PAH: variants seen among roughly 807,000 people sequenced by gnomAD.
PAH encodes phenylalanine-4-hydroxylase.
A neutral mutation model predicts 62.0 loss-of-function variants in PAH; 64 were observed. The observed-to-expected ratio is 1.03, with a 90% CI of 0.84 to 1.27. The LOEUF (loss-of-function observed/expected upper bound fraction) is 1.27. PAH is among the 50% of genes most tolerant of loss of function. The pLI, the probability that PAH is intolerant of heterozygous loss-of-function variation, is 0.00. For missense variants in PAH, 579 were observed against 542.8 expected (o/e 1.07, Z -0.66); for synonymous variants, 195 against 196.2 (o/e 0.99, Z 0.05).
intron 1 of PAH, chr12:102,914,682 T>C (rs1431367421): frequency 6.6e-6 from 1 of 152,246 alleles, no homozygotes; most frequent in Non-Finnish European, 1.5e-5. Context: ...CTGTCTCTAG[T>C]TCACTTGGTA....
intron 2 of PAH, among the ~76,000 whole-genome samples, chr12:102,911,164 T>C (rs772479800): frequency 7.2e-5 from 11 of 152,102 alleles, no homozygotes; most frequent in Non-Finnish European, 1.5e-4. Context: ...ACCCAGCAGT[T>C]AGAGGGCCAA....
Position 102,957,166 on chromosome 12 carries a change from C to A in PAH, c.-96+1029G>T, listed in dbSNP as rs532443423. ...AGGAGAGAGAGAAAACAGGAAAAGTCGAGCCCCACTCCCTCCTCACCTCCA... is the reference window on the plus strand; with the variant it reads ...AGGAGAGAGAGAAAACAGGAAAAGTAGAGCCCCACTCCCTCCTCACCTCCA... On this transcript the variant is annotated intron_variant, in intron 1 of 4. Transcript: ENST00000551337. The surrounding 1 kb of genome is among the most constrained non-coding windows in gnomAD (Gnocchi z 4.1). Among the ~76,000 whole-genome samples, 1 of 152,244 alleles carries A rather than the reference C, an allele frequency of 6.6e-6. No individual in the cohort carries two copies. The highest frequency in any genetic ancestry group is 2.1e-4 in the South Asian group (1 of 4,820).
intron 1 of PAH, among the ~76,000 whole-genome samples, chr12:102,947,942 A>G (rs563069356): frequency 1.3e-5 from 2 of 152,226 alleles, no homozygotes; most frequent in South Asian, 2.1e-4. Flanking sequence ...ACAGGTAGAG[A>G]GAGTAAGTTC....
intron 1 of PAH, chr12:102,915,151 C>T (rs1224736663): frequency 6.6e-6 from 1 of 152,230 alleles, no homozygotes; most frequent in Non-Finnish European, 1.5e-5. Context: ...ATTTCCCTTT[C>T]CAAGATCTCA....
chr12:102,891,346 T>C (rs1877267522), intron 3 of PAH, among the ~76,000 whole-genome samples: 1 of 152,050 alleles, frequency 6.6e-6, no homozygotes, highest in South Asian at 2.1e-4. Context: ...CAGAACCCAC[T>C]GTTTGCCTTA....
At position 102,839,000 on chromosome 12, in the gene PAH, C is replaced by T. The variant is rs1359710818; in HGVS notation, c.*175G>A. 3 of 654,696 alleles carry T rather than the reference C, an allele frequency of 4.6e-6. No individual in the cohort carries two copies. Among genetic ancestry groups the T allele is most frequent in the Non-Finnish European group, 8.2e-6 (3 of 366,472 alleles). The allele number at this position is 654,696 out of a possible 1,614,324, so 40.6% of individuals were successfully genotyped here. A position where few individuals can be genotyped will look rare whatever the true frequency, so the allele number is the denominator to read the frequency against. On this transcript the variant is annotated 3_prime_UTR_variant, in exon 13 of 13. Transcript: ENST00000553106. ...TTACCATTATGCTCTTGAGTATGTA[C>T]TCATATCCTGTCATTTCAGATTATT...
At chr12:102,893,115 T>C (rs961023188) in intron 3 of PAH, among the ~76,000 whole-genome samples, 3 of 152,160 alleles carry the variant, frequency 2.0e-5, no homozygotes, top group African/African-American at 7.2e-5. Context: ...AAAAGTCTAT[T>C]AAGGCCAGGC....
intron 4 of PAH, among the ~76,000 whole-genome samples, chr12:102,869,691 A>G (rs897795186): frequency 1.3e-5 from 2 of 152,098 alleles, no homozygotes; most frequent in Non-Finnish European, 1.5e-5. Flanking sequence ...AGGGGCCCCA[A>G]CCAACCAGGT....
intron 5 of PAH, among the ~76,000 whole-genome samples, chr12:102,861,347 A>T (rs1294163665): frequency 6.6e-6 from 1 of 152,184 alleles, no homozygotes; most frequent in Non-Finnish European, 1.5e-5. Context: ...GCTGGAGAGG[A>T]TATGGAGAAA....
chr12:102,863,542 C>T (rs895824961), intron 5 of PAH, among the ~76,000 whole-genome samples: 1 of 152,116 alleles, frequency 6.6e-6, no homozygotes, highest in South Asian at 2.1e-4. Context: ...GGACTATGTC[C>T]TAATCAGAGT....
chr12:102,955,988 G>A (rs1226824168), intron 1 of PAH, among the ~76,000 whole-genome samples: 4 of 152,098 alleles, frequency 2.6e-5, no homozygotes, highest in Non-Finnish European at 4.4e-5. Context: ...TTCGGGAGCC[G>A]CCCGTCATTA....
chr12:102,878,121 G>A (rs1276365095), intron 3 of PAH, among the ~76,000 whole-genome samples: 3 of 152,168 alleles, frequency 2.0e-5, no homozygotes, highest in East Asian at 3.9e-4. Flanking sequence ...CACTGCGTCC[G>A]GCCATTAGCA....
chr12:102,857,428 A>G (rs1410092287), intron 5 of PAH, among the ~76,000 whole-genome samples: 1 of 152,232 alleles, frequency 6.6e-6, no homozygotes, highest in African/African-American at 2.4e-5. Context: ...AACTTCCCCA[A>G]CCTAGCAAGG....
At chr12:102,898,503 A>G (rs1439530937) in intron 2 of PAH, among the ~76,000 whole-genome samples, 1 of 152,246 alleles carries the variant, frequency 6.6e-6, no homozygotes, top group Non-Finnish European at 1.5e-5. Context: ...AAAATTTCAA[A>G]AAATTAAAAT....
intron 4 of PAH, among the ~76,000 whole-genome samples, chr12:102,872,652 A>T (rs1054832493): frequency 1.3e-5 from 2 of 152,222 alleles, no homozygotes; most frequent in African/African-American, 4.8e-5. Flanking sequence ...GGAAAACTTG[A>T]TGCCCACACC....
intron 4 of PAH, among the ~76,000 whole-genome samples, chr12:102,869,757 G>A (rs955667946): frequency 5.9e-5 from 9 of 152,170 alleles, no homozygotes; most frequent in African/African-American, 1.2e-4. Flanking sequence ...GTGGCCTGAC[G>A]CCCAGCCTCT....
rs187936095 is a variant in PAH, at chr12:102,859,152, G to A, written c.510-3820C>T. On this transcript the variant is annotated intron_variant, in intron 5 of 12. Transcript: ENST00000553106. ...AAATGATAAAGGGGATATCACCACC[G>A]ATCCCACAGAAATACAAACTACCAT... is the stretch of plus-strand genomic sequence containing the variant. 4.6e-4 allele frequency among the ~76,000 whole-genome samples: 70 copies of A among 152,208 alleles called. No homozygotes were observed. In the East Asian group the frequency reaches 0.012, roughly 26 times the overall value.
At chr12:102,895,841 C>T (rs1205675809) in intron 2 of PAH, among the ~76,000 whole-genome samples, 17 of 125,848 alleles carry the variant, frequency 1.4e-4, no homozygotes, top group East Asian at 1.1e-3. Flanking sequence ...GGCGACAGAG[C>T]GAGACTCTGT....
In PAH at chr12:102,865,809, T is replaced by A. The variant is rs147956390; in HGVS notation, c.509+787A>T. Among the ~76,000 whole-genome samples, 93 of 152,326 alleles carry A rather than the reference T, an allele frequency of 6.1e-4. No individual in the cohort carries two copies. The East Asian group carries it at 0.015, about 25-fold the overall frequency. ...TTTGTATTCAGTATAGAAAGGCCCA[T>A]CATCTTCTCCATCTCCCTGAGATTC... On this transcript the variant is annotated intron_variant, in intron 5 of 12. Coordinates refer to ENST00000553106, the MANE Select transcript of PAH (RefSeq NM_000277.3).
Sources: allele counts gnomAD v4.1 joint callset (sites outside exome capture counted in the v4.1 genomes callset), GRCh38; gene constraint gnomAD v4.1.1; non-coding constraint Gnocchi (gnomAD v3.1); transcripts MANE v1.5; gene names NCBI Gene and HGNC (gene_info 2026-07-23, HGNC 2026-07-21).